Variants in ADD2 observed in about 807,000 individuals in gnomAD.
The protein encoded by ADD2 is beta-adducin.
ADD2 carries 23 observed loss-of-function variants against 83.0 expected under a neutral mutation model. The ratio of observed to expected loss-of-function variants is 0.28; its 90% confidence interval spans 0.20 to 0.39. The LOEUF (loss-of-function observed/expected upper bound fraction) is 0.39, where lower values mean the gene tolerates loss of function less well. ADD2 is among the 10% of genes least tolerant of loss of function. ADD2 has a pLI of 1.00. For missense variants in ADD2, 758 were observed against 944.9 expected, an observed-to-expected ratio of 0.80 and a Z score of 2.59; for synonymous variants, 375 against 375.4, an observed-to-expected ratio of 1.00 and a Z score of 0.01.
intron 1 of ADD2, among the ~76,000 whole-genome samples, chr2:70,746,377 T>C (rs1011035459): frequency 1.3e-5 from 2 of 152,200 alleles, no homozygotes; most frequent in African/African-American, 4.8e-5. Flanking sequence ...TTAAAGAATA[T>C]GCAAACATTA....
chr2:70,728,261 C>T (rs191104632), intron 1 of ADD2, among the ~76,000 whole-genome samples: 372 of 152,310 alleles, frequency 2.4e-3, no homozygotes, highest in African/African-American at 8.3e-3. Context: ...TTTCCCATTG[C>T]CTTAAAAGGC....
chr2:70,704,263 T>TGGGCCCCCCCCCCCCCCC, intron 4 of ADD2, 58 bp downstream of exon 4: 49 of 913,214 alleles, frequency 5.4e-5, no homozygotes, highest in East Asian at 2.3e-4. Flanking sequence ...CTCCCTCTCT[T>TGGGCCCCCCCCCCCCCCC]CCCCACCCCA....
chr2:70,742,162 T>A (rs1553381214), intron 1 of ADD2, among the ~76,000 whole-genome samples: 1 of 152,262 alleles, frequency 6.6e-6, no homozygotes, highest in African/African-American at 2.4e-5. Flanking sequence ...AATTCTTCTT[T>A]TCCTTGACGT....
In ADD2 at chr2:70,692,484, G is replaced by C. The variant is rs147916626; in HGVS notation, c.624C>G (p.Gly208=). Residue 208 remains glycine, a synonymous_variant, in exon 7 of 16, where the codon GGC becomes GGG. Transcript: ENST00000264436. Reference sequence around the variant, plus strand: ...CATAGATGGCCGAGTGCAGACAGAAGCCTGTGGTGTCCACTGGGAAGCAGC... The same window carrying C: ...CATAGATGGCCGAGTGCAGACAGAACCCTGTGGTGTCCACTGGGAAGCAGC... ...GSSCFPVDTT[G]FCLHSAIYAA... is the part of the protein sequence containing the mutation. The C allele has an allele frequency of 6.2e-7, 1 of 1,613,198 alleles. No homozygotes were observed. The highest frequency in any genetic ancestry group is 1.3e-5 in the African/African-American group (1 of 75,036).
intron 1 of ADD2, among the ~76,000 whole-genome samples, chr2:70,713,736 C>T (rs1298441307): frequency 6.6e-6 from 1 of 152,074 alleles, no homozygotes; most frequent in African/African-American, 2.4e-5. Flanking sequence ...AAAGCGGTTG[C>T]CCTGGCCTGG....
rs530742440 is a variant in ADD2 at position 70,745,259 on chromosome 2, C to G, written c.-154+22627G>C. ...CGAGATCATGCCACTGCACTCCAGC[C>G]TGGGCGACAGAGCGATACTCCGTCT... On this transcript the variant is annotated intron_variant, in intron 1 of 15. Coordinates refer to ENST00000264436, the MANE Select transcript of ADD2 (RefSeq NM_001617.4). Among the ~76,000 whole-genome samples, 317 of 152,132 alleles carry G rather than the reference C, an allele frequency of 2.1e-3. 1 individual carries two copies. Among genetic ancestry groups the G allele is most frequent in the South Asian group, 8.3e-3 (40 of 4,802 alleles).
chr2:70,750,676 A>C (rs548107328), intron 1 of ADD2, among the ~76,000 whole-genome samples: 1 of 152,358 alleles, frequency 6.6e-6, no homozygotes, highest in African/African-American at 2.4e-5. Flanking sequence ...CGGCCTTGTC[A>C]GCAGTTTGAT....
chr2:70,665,870 C>T (rs1354204976), intron 15 of ADD2, among the ~76,000 whole-genome samples: 1 of 149,370 alleles, frequency 6.7e-6, no homozygotes, highest in African/African-American at 2.5e-5. Context: ...AGCTGGAGTG[C>T]AATGGTGGAA....
chr2:70,743,584 T>C (rs572116055), intron 1 of ADD2, among the ~76,000 whole-genome samples: 40 of 152,314 alleles, frequency 2.6e-4, no homozygotes, highest in Admixed American at 2.0e-3. Flanking sequence ...GTGTGTAACA[T>C]TTCAAAGAAG....
intron 4 of ADD2, among the ~76,000 whole-genome samples, chr2:70,700,953 G>T (rs1671554609): frequency 6.6e-6 from 1 of 151,962 alleles, no homozygotes; most frequent in African/African-American, 2.4e-5. Context: ...TCCAGATCTA[G>T]ATGACATTCT....
At chr2:70,719,176 T>A (rs1369292283) in intron 1 of ADD2, among the ~76,000 whole-genome samples, 3 of 152,196 alleles carry the variant, frequency 2.0e-5, no homozygotes, top group Non-Finnish European at 2.9e-5. Context: ...GTCACCCACC[T>A]GCACTCCCAG....
Position 70,677,759 on chromosome 2 carries a change from T to C in ADD2, c.1502A>G (p.Lys501Arg), listed in dbSNP as rs112879637. Reference protein sequence around the residue: ...DPQEVLEMRNKIREQNRQDVK... With the variant: ...DPQEVLEMRNRIREQNRQDVK... The stretch of plus-strand genomic sequence containing the variant: ...GTGGGATAAACAGACCCCACTTACC[T>C]TGTTCCTCATCTCCAGTACTTCCTG... The change falls in exon 12 of 16, where the codon AAG becomes AGG. Residue 501 changes from lysine (K) to arginine (R), a missense_variant and splice_region_variant. By Grantham distance (26) the Lys-to-Arg change is conservative. Coordinates refer to ENST00000264436, the MANE Select transcript of ADD2 (RefSeq NM_001617.4). 1.7e-5 allele frequency: 28 copies of C among 1,614,184 alleles called. No homozygotes were observed. The highest frequency in any genetic ancestry group is 2.2e-5 in the South Asian group (2 of 91,076).
chr2:70,755,615 T>G (rs1674732637), intron 1 of ADD2, among the ~76,000 whole-genome samples: 13 of 152,188 alleles, frequency 8.5e-5, no homozygotes, highest in Admixed American at 8.5e-4. Flanking sequence ...ACGATACACT[T>G]ACCTACCATT....
At chr2:70,759,785 T>C (rs1553384529) in intron 1 of ADD2, among the ~76,000 whole-genome samples, 1 of 152,196 alleles carries the variant, frequency 6.6e-6, no homozygotes. Flanking sequence ...CTTTTCTCTA[T>C]AAATTACCCA....
intron 1 of ADD2, among the ~76,000 whole-genome samples, chr2:70,739,203 C>T (rs1377546341): frequency 6.6e-6 from 1 of 151,898 alleles, no homozygotes; most frequent in African/African-American, 2.4e-5. Context: ...GGAAAAAAAC[C>T]CCATTAAAAG....
At chr2:70,707,391 G>A (rs1288811140) in intron 2 of ADD2, among the ~76,000 whole-genome samples, 4 of 152,242 alleles carry the variant, frequency 2.6e-5, no homozygotes, top group Admixed American at 6.5e-5. Context: ...CAAGGACCAC[G>A]ACAGCCTCTG....
At chr2:70,664,396 A>C (rs1042803292) in intron 15 of ADD2, among the ~76,000 whole-genome samples, 6 of 152,306 alleles carry the variant, frequency 3.9e-5, no homozygotes, top group Non-Finnish European at 5.9e-5. Context: ...GGGAATGTTC[A>C]AGGCCAGAGT....
chr2:70,730,190 A>T (rs1673209270), intron 1 of ADD2, among the ~76,000 whole-genome samples: 1 of 152,204 alleles, frequency 6.6e-6, no homozygotes, highest in African/African-American at 2.4e-5. Context: ...CAGCCCTGGG[A>T]TGCTATACAT....
intron 1 of ADD2, among the ~76,000 whole-genome samples, chr2:70,726,171 A>G (rs1672987703): frequency 8.2e-6 from 1 of 121,340 alleles, no homozygotes; most frequent in African/African-American, 3.3e-5. Flanking sequence ...TGGGCGACAG[A>G]GCGAGACTCC....
Sources: gnomAD v4.1 joint callset for allele counts (sites outside exome capture counted in the v4.1 genomes callset) on GRCh38, gnomAD v4.1.1 for gene constraint, MANE v1.5 for transcripts, NCBI Gene and HGNC (gene_info 2026-07-23, HGNC 2026-07-21) for gene names.